Variants in GALNT18 observed in about 807,000 individuals in gnomAD.
GALNT18 encodes polypeptide N-acetylgalactosaminyltransferase 18, also known as GalNAc-transferase 18.
In GALNT18, 44 loss-of-function variants were observed where a neutral mutation model predicts 69.5. The ratio of observed to expected loss-of-function variants is 0.63; its 90% CI spans 0.50 to 0.81. The LOEUF is 0.81. Among genes scored for constraint, GALNT18 ranks in the 40% least tolerant of loss-of-function variants. The pLI, the probability that GALNT18 is intolerant of heterozygous loss-of-function variation, is 0.00. For synonymous variants in GALNT18, 364 were observed against 318.2 expected, an observed-to-expected ratio of 1.14 and a Z score of -1.53; for missense variants, 715 against 810.0, an observed-to-expected ratio of 0.88 and a Z score of 1.42.
chr11:11,435,145 T>C lies in GALNT18; in HGVS notation c.429-2358A>G, dbSNP rs1855368937. ...AAAACTCCACCAGCAATGAAGACTT[T>C]GCTTCTGTATCTCTCTGCACTTCCC... On this transcript the variant is annotated intron_variant, in intron 2 of 10. Coordinates refer to ENST00000227756, the MANE Select transcript of GALNT18 (RefSeq NM_198516.3). The surrounding 1 kb of genome is among the most constrained non-coding windows in gnomAD (Gnocchi z 4.4). Among the ~76,000 whole-genome samples, 1 of 152,236 alleles carries C rather than the reference T, an allele frequency of 6.6e-6. No homozygotes were observed. The highest frequency in any genetic ancestry group is 1.5e-5 in the Non-Finnish European group (1 of 68,038).
intron 1 of GALNT18, among the ~76,000 whole-genome samples, chr11:11,535,701 G>A (rs1857757748): frequency 1.3e-5 from 2 of 152,200 alleles, no homozygotes; most frequent in Non-Finnish European, 2.9e-5. Context: ...TGCTAGGTTT[G>A]CCCGCCTGCC....
In GALNT18 at chr11:11,621,356, T is replaced by C; in HGVS notation, c.235+3A>G. ...GCGACCCAAGTTTCCGGGGCGCCCG[T>C]ACCTTGAATGTGCTGCTTGATGACA... On this transcript the variant is annotated splice_donor_region_variant and intron_variant, in intron 1 of 10. Transcript: ENST00000227756. This position sits in a 1 kb window ranked among gnomAD's most constrained non-coding sequence, Gnocchi z 9.3. 6.2e-7 allele frequency: 1 copy of C among 1,612,804 alleles called. No individual in the cohort carries two copies. The highest frequency in any genetic ancestry group is 8.5e-7 in the Non-Finnish European group (1 of 1,179,142).
Position 11,609,820 on chromosome 11 carries a change from A to G in GALNT18, c.235+11539T>C, listed in dbSNP as rs376200813. On this transcript the variant is annotated intron_variant, in intron 1 of 10. Transcript: ENST00000227756. The stretch of plus-strand genomic sequence containing the variant: ...TAACTCCAAATATTCCATTCCCTCA[A>G]TTAAATGGGAAGTTCCTGGAAGGGC... 5.9e-5 allele frequency among the ~76,000 whole-genome samples: 9 copies of G among 152,272 alleles called. No homozygotes were observed. In the South Asian group the frequency reaches 1.7e-3, roughly 28 times the overall value.
At chr11:11,326,735 C>T (rs1359534708) in intron 9 of GALNT18, among the ~76,000 whole-genome samples, 2 of 152,198 alleles carry the variant, frequency 1.3e-5, no homozygotes, top group African/African-American at 4.8e-5. Flanking sequence ...ACCTCCCACT[C>T]TTGCTAGGGA....
rs1438738183 is a variant in GALNT18 at position 11,459,683 on chromosome 11, C to T, written c.236-10747G>A. On this transcript the variant is annotated intron_variant, in intron 1 of 10. Transcript: ENST00000227756. The surrounding 1 kb of genome is among the most constrained non-coding windows in gnomAD (Gnocchi z 5.0). ...GTGGATAATAATGTCTATGTCTAAG[C>T]TTGTTGCAAAGATTAAGTGAGATGA... Among the ~76,000 whole-genome samples the T allele has an allele frequency of 6.6e-6, 1 of 152,196 alleles. No individual in the cohort carries two copies. Among genetic ancestry groups the T allele is most frequent in the African/African-American group, 2.4e-5 (1 of 41,438 alleles).
rs866138690 is a variant in GALNT18, at chr11:11,337,704, A to G, written c.1278+3115T>C. Among the ~76,000 whole-genome samples the G allele has an allele frequency of 1.3e-5, 2 of 152,058 alleles. No homozygotes were observed. Among genetic ancestry groups the G allele is most frequent in the South Asian group, 4.1e-4 (2 of 4,822 alleles). On this transcript the variant is annotated intron_variant, in intron 7 of 10. Transcript: ENST00000227756. This position sits in a 1 kb window ranked among gnomAD's most constrained non-coding sequence, Gnocchi z 4.9. The stretch of plus-strand genomic sequence containing the variant: ...TAGGGGTGGTCATACAGGAAGAGGT[A>G]GAGGGTAGGGAATTCCAAGCAGGAT...
intron 1 of GALNT18, among the ~76,000 whole-genome samples, chr11:11,464,291 C>A (rs1856111404): frequency 6.6e-6 from 1 of 152,224 alleles, no homozygotes; most frequent in South Asian, 2.1e-4. Context: ...TCTTGAGAGG[C>A]CAAGCCAGCC....
chr11:11,599,850 G>A (rs993278372), intron 1 of GALNT18, among the ~76,000 whole-genome samples: 2 of 152,000 alleles, frequency 1.3e-5, no homozygotes, highest in Non-Finnish European at 1.5e-5. Context: ...ATTGTAAAGT[G>A]ATTCAATCAA....
intron 1 of GALNT18, among the ~76,000 whole-genome samples, chr11:11,479,823 A>C (rs541777699): frequency 6.6e-6 from 1 of 152,106 alleles, no homozygotes; most frequent in Non-Finnish European, 1.5e-5. Context: ...CTGCAAATTC[A>C]TCTTCTGGAA....
At position 11,291,274 on chromosome 11, in the gene GALNT18, C is replaced by A. The variant is rs117013627; in HGVS notation, c.1677+1755G>T. The stretch of plus-strand genomic sequence containing the variant: ...CCTCAGCCCTGACCTCTGGCCTTCT[C>A]CCACGTGGCCACTTCCGACATAGCT... On this transcript the variant is annotated intron_variant, in intron 10 of 10. Transcript: ENST00000227756. Among the ~76,000 whole-genome samples the A allele has an allele frequency of 2.4e-4, 37 of 152,232 alleles. No homozygotes were observed. In the East Asian group the frequency reaches 5.6e-3, roughly 23 times the overall value.
At position 11,598,739 on chromosome 11, in the gene GALNT18, A is replaced by G. The variant is rs369023414; in HGVS notation, c.235+22620T>C. 5.3e-5 allele frequency among the ~76,000 whole-genome samples: 8 copies of G among 152,104 alleles called. No homozygotes were observed. In the East Asian group the frequency reaches 1.5e-3, roughly 29 times the overall value. The stretch of plus-strand genomic sequence containing the variant: ...TCAATATAGACATTTATAGTTATAC[A>G]TTTCCCTTTAAATACTACTTTATCT... On this transcript the variant is annotated intron_variant, in intron 1 of 10. Transcript: ENST00000227756. This position sits in a 1 kb window ranked among gnomAD's most constrained non-coding sequence, Gnocchi z 4.8.
chr11:11,411,939 T>C (rs765544843), intron 3 of GALNT18, among the ~76,000 whole-genome samples: 29 of 152,182 alleles, frequency 1.9e-4, no homozygotes, highest in Admixed American at 3.9e-4. Context: ...CTGGGCCATA[T>C]TGGGGAATGG....
At chr11:11,442,815 G>C (rs764054085) in intron 2 of GALNT18, among the ~76,000 whole-genome samples, 3 of 152,162 alleles carry the variant, frequency 2.0e-5, no homozygotes, top group Non-Finnish European at 4.4e-5. Context: ...TCAAACCCAA[G>C]AGCCAGTCCA....
At chr11:11,585,809 T>C (rs1287691045) in intron 1 of GALNT18, among the ~76,000 whole-genome samples, 1 of 150,858 alleles carries the variant, frequency 6.6e-6, no homozygotes, top group Non-Finnish European at 1.5e-5. Flanking sequence ...AAGTTTTTTT[T>C]TTTTTTTTTT....
intron 1 of GALNT18, among the ~76,000 whole-genome samples, chr11:11,453,439 C>T (rs892122056): frequency 6.6e-6 from 1 of 152,202 alleles, no homozygotes; most frequent in African/African-American, 2.4e-5. Context: ...GCACATCCTC[C>T]TGGTCAGTTC....
intron 9 of GALNT18, among the ~76,000 whole-genome samples, chr11:11,301,133 C>T (rs75926345): frequency 0.02 from 2,979 of 152,278 alleles, 43 homozygotes; most frequent in South Asian, 0.028. Context: ...AGCTGCAATG[C>T]CTCACCCTCT....
At chr11:11,431,763 G>C (rs1156643189) in intron 3 of GALNT18, among the ~76,000 whole-genome samples, 2 of 152,190 alleles carry the variant, frequency 1.3e-5, no homozygotes, top group Non-Finnish European at 2.9e-5. Flanking sequence ...TGACAGCAAA[G>C]AAAGCTCAAA....
At chr11:11,388,942 C>G (rs1854116373) in intron 3 of GALNT18, among the ~76,000 whole-genome samples, 1 of 152,202 alleles carries the variant, frequency 6.6e-6, no homozygotes, top group African/African-American at 2.4e-5. Context: ...TCAGAACTCT[C>G]AGCAACCATA....
chr11:11,287,469 GTTC>G (rs1849215017), intron 10 of GALNT18, among the ~76,000 whole-genome samples: 1 of 152,062 alleles, frequency 6.6e-6, no homozygotes, highest in African/African-American at 2.4e-5. Flanking sequence ...CTGCCACAAA[GTTC>G]TTCTCTGTAG....
Sources: allele counts gnomAD v4.1 joint callset (sites outside exome capture counted in the v4.1 genomes callset), GRCh38; gene constraint gnomAD v4.1.1; non-coding constraint Gnocchi (gnomAD v3.1); transcripts MANE v1.5; gene names NCBI Gene and HGNC (gene_info 2026-07-23, HGNC 2026-07-21).